Variants in PAH observed in about 807,000 individuals in gnomAD.
PAH encodes the protein phenylalanine hydroxylase.
Under a neutral mutation model 62.0 loss-of-function variants are expected in PAH, and 64 were observed. That is an observed-to-expected ratio of 1.03 (90% CI 0.84 to 1.27). The LOEUF (loss-of-function observed/expected upper bound fraction) is 1.27, where lower values mean the gene tolerates loss of function less well. Ranked by LOEUF, PAH falls within the 50% of genes most tolerant of loss-of-function variation. The pLI, the probability that PAH is intolerant of heterozygous loss-of-function variation, is 0.00. For synonymous variants in PAH, 195 were observed against 196.2 expected (o/e 0.99, Z 0.05); for missense variants, 579 against 542.8 (o/e 1.07, Z -0.66).
At chr12:102,905,795 C>T (rs1393554904) in intron 2 of PAH, among the ~76,000 whole-genome samples, 6 of 150,876 alleles carry the variant, frequency 4.0e-5, no homozygotes, top group African/African-American at 9.8e-5. Context: ...TTCTCATTCC[C>T]GACTTGGCAT....
chr12:102,951,260 C>A (rs911526501), upstream of PAH, among the ~76,000 whole-genome samples: 1 of 152,166 alleles, frequency 6.6e-6, no homozygotes, highest in African/African-American at 2.4e-5. Context: ...GGGCACCGCA[C>A]GGGGGCCGGA....
chr12:102,855,285 G>A lies in PAH; in HGVS notation c.557C>T (p.Thr186Ile), dbSNP rs1875371404. The change falls in exon 6 of 13, where the codon ACA becomes ATA. Residue 186 changes from threonine (T) to isoleucine (I), a missense_variant. Thr to Ile is a moderately conservative substitution (Grantham distance 89). Coordinates refer to ENST00000553106, the MANE Select transcript of PAH (RefSeq NM_000277.3). The part of the protein sequence containing the change: ...RVEYMEEEKK[T>I]WGTVFKTLKS... ...CAGAGTCTTGAACACTGTGCCCCAT[G>A]TTTTCTTTTCTTCCTCCATGTATTC... is the stretch of plus-strand genomic sequence containing the variant. The A allele has an allele frequency of 1.2e-6, 2 of 1,613,886 alleles. No homozygotes were observed. Among genetic ancestry groups the A allele is most frequent in the South Asian group, 2.2e-5 (2 of 91,076 alleles).
intron 4 of PAH, among the ~76,000 whole-genome samples, chr12:102,873,810 TG>T (rs1876457258): frequency 1.3e-5 from 2 of 152,218 alleles, no homozygotes; most frequent in South Asian, 4.1e-4. Flanking sequence ...TTGCATTGAC[TG>T]GGTTTCATTT....
At chr12:102,948,607 T>A (rs934211352) in intron 1 of PAH, among the ~76,000 whole-genome samples, 1 of 152,238 alleles carries the variant, frequency 6.6e-6, no homozygotes, top group African/African-American at 2.4e-5. Context: ...CTCAAGTCAC[T>A]AGGGCATCCT....
Position 102,867,218 on chromosome 12 carries a change from G to A in PAH, c.442-555C>T, listed in dbSNP as rs115936793. Among the ~76,000 whole-genome samples the A allele has an allele frequency of 3.5e-3, 536 of 152,208 alleles. 4 individuals are homozygous for A. Among genetic ancestry groups the A allele is most frequent in the African/African-American group, 0.012 (512 of 41,526 alleles). ...TGAGTATGATTATCCTGTTCTTTCC[G>A]GAATAAATGGTGGTTCAGAGAAGTG... On this transcript the variant is annotated intron_variant, in intron 4 of 12. Coordinates refer to ENST00000553106, the MANE Select transcript of PAH (RefSeq NM_000277.3).
intron 9 of PAH, among the ~76,000 whole-genome samples, chr12:102,846,412 G>C (rs1874845313): frequency 6.6e-6 from 1 of 152,198 alleles, no homozygotes; most frequent in Admixed American, 6.6e-5. Context: ...ATGTAGAATT[G>C]CTTCTATAGC....
chr12:102,860,753 A>T (rs1875678855), intron 5 of PAH, among the ~76,000 whole-genome samples: 1 of 152,236 alleles, frequency 6.6e-6, no homozygotes, highest in Non-Finnish European at 1.5e-5. Context: ...CTATTTAATA[A>T]ATGGTGCTGG....
At chr12:102,947,916 G>A (rs950537264) in intron 1 of PAH, among the ~76,000 whole-genome samples, 1 of 152,166 alleles carries the variant, frequency 6.6e-6, no homozygotes, top group African/African-American at 2.4e-5. Context: ...GAGAAGACTA[G>A]TGCCCCAGCT....
intron 4 of PAH, among the ~76,000 whole-genome samples, chr12:102,873,466 T>C (rs566157026): frequency 1.3e-5 from 2 of 152,308 alleles, no homozygotes; most frequent in African/African-American, 2.4e-5. Context: ...CTGACCCACA[T>C]TGGAAGTGAA....
chr12:102,880,618 G>A (rs998926020), intron 3 of PAH, among the ~76,000 whole-genome samples: 13 of 152,128 alleles, frequency 8.5e-5, no homozygotes, highest in Non-Finnish European at 1.6e-4. Context: ...TTACTTAGGG[G>A]ACATTTAGAA....
upstream of PAH, among the ~76,000 whole-genome samples, chr12:102,922,060 C>T (rs975378960): frequency 6.6e-6 from 1 of 152,084 alleles, no homozygotes; most frequent in African/African-American, 2.4e-5. Flanking sequence ...TGATTCTCTT[C>T]TCCAAAGATA....
chr12:102,903,040 C>T (rs1257594658), intron 2 of PAH, among the ~76,000 whole-genome samples: 1 of 152,124 alleles, frequency 6.6e-6, no homozygotes, highest in Non-Finnish European at 1.5e-5. Flanking sequence ...TCCTATACCA[C>T]CAAATTGGTA....
chr12:102,851,577 C>T (rs780323407), intron 8 of PAH, 110 bp downstream of exon 8: 6 of 860,358 alleles, frequency 7.0e-6, no homozygotes, highest in South Asian at 4.1e-5. Context: ...TAGAACTGTA[C>T]CTGGTTTCCG....
intron 4 of PAH, among the ~76,000 whole-genome samples, chr12:102,875,242 A>G (rs1241120305): frequency 1.3e-5 from 2 of 152,216 alleles, no homozygotes; most frequent in African/African-American, 4.8e-5. Flanking sequence ...TGTGGCTTTT[A>G]AAAACCAATG....
At chr12:102,890,686 T>C (rs149432605) in intron 3 of PAH, among the ~76,000 whole-genome samples, 5 of 152,360 alleles carry the variant, frequency 3.3e-5, no homozygotes, top group African/African-American at 1.2e-4. Flanking sequence ...AACTTTGACA[T>C]TTTGAGCAAG....
chr12:102,928,405 T>G (rs1049903689), intron 1 of PAH, among the ~76,000 whole-genome samples: 2 of 152,176 alleles, frequency 1.3e-5, no homozygotes, highest in Admixed American at 1.3e-4. Flanking sequence ...TCTGAGATAT[T>G]GTAGTCTTCT....
intron 8 of PAH, 197 bp from the exon 9 acceptor site, chr12:102,847,148 C>T (rs2136639917): frequency 3.3e-6 from 2 of 613,886 alleles, no homozygotes; most frequent in Admixed American, 2.5e-5. Flanking sequence ...GATCCTTCCA[C>T]CCTCACTTGG....
Position 102,839,070 on chromosome 12 carries a change from G to A in PAH, c.*105C>T, listed in dbSNP as rs1227990436. ...TCCATCTTGTAAAGGATTTAAGGCTGTTATTTCAAATTAAGGTTTGCTTTT... is the reference window on the plus strand; with the variant it reads ...TCCATCTTGTAAAGGATTTAAGGCTATTATTTCAAATTAAGGTTTGCTTTT... On this transcript the variant is annotated 3_prime_UTR_variant, in exon 13 of 13. Transcript: ENST00000553106. 1 of 966,222 alleles carries A rather than the reference G, an allele frequency of 1.0e-6. No individual in the cohort carries two copies. The highest frequency in any genetic ancestry group is 1.6e-5 in the African/African-American group (1 of 62,210). 59.9% of individuals were successfully genotyped at this position (966,222 alleles called of 1,614,324 possible).
At chr12:102,935,840 A>T (rs1170152884) in intron 1 of PAH, among the ~76,000 whole-genome samples, 2 of 151,822 alleles carry the variant, frequency 1.3e-5, no homozygotes, top group African/African-American at 4.8e-5. Flanking sequence ...CAAAAAACCA[A>T]CTTTTTGTTA....
Sources: allele counts gnomAD v4.1 joint callset (sites outside exome capture counted in the v4.1 genomes callset), GRCh38; gene constraint gnomAD v4.1.1; transcripts MANE v1.5; gene names NCBI Gene and HGNC (gene_info 2026-07-23, HGNC 2026-07-21).